The following TRIM32 variants were observed in gnomAD, a reference collection of about 807,000 sequenced individuals.
TRIM32 encodes the protein E3 ubiquitin-protein ligase TRIM32.
Under a neutral mutation model 36.0 loss-of-function variants are expected in TRIM32, and 19 were observed. The ratio of observed to expected loss-of-function variants is 0.53; its 90% CI spans 0.37 to 0.77. The LOEUF is 0.77. Ranked by LOEUF, TRIM32 falls within the 30% of genes least tolerant of loss-of-function variation. The probability of loss-of-function intolerance (pLI) is 0.00; values close to 1 mark genes in which losing one functional copy is unlikely to be tolerated. For missense variants in TRIM32, 747 were observed against 845.2 expected (o/e 0.88, Z 1.44); for synonymous variants, 309 against 318.5 (o/e 0.97, Z 0.32).
In TRIM32 at chr9:116,698,412, CAG is replaced by C; in HGVS notation, c.673_674del (p.Ser225LeufsTer4). Reference protein sequence around the residue: ...EKSNSQVVEEQSYLLNIAEVQ... With the variant: ...EKSNSQVVEEXSYLLNIAEVQ... ...GTCCAATAGTCAAGTGGTAGAGGAG[CAG>C]AGTTACCTGCTTAACATTGCAGAGG... On this transcript the variant is annotated frameshift_variant, in exon 2 of 2. Transcript: ENST00000450136. LOFTEE classifies it high-confidence loss of function. The surrounding 1 kb of genome is among the most constrained non-coding windows in gnomAD (Gnocchi z 4.4). 1 of 1,614,092 alleles carries C rather than the reference CAG, an allele frequency of 6.2e-7. No individual in the cohort carries two copies. The highest frequency in any genetic ancestry group is 8.5e-7 in the Non-Finnish European group (1 of 1,180,022).
intron 1 of TRIM32, 162 bp from the exon 2 acceptor site, chr9:116,697,500 C>CCTAT (rs759526539): frequency 1.9e-6 from 1 of 521,072 alleles, no homozygotes; most frequent in Non-Finnish European, 3.4e-6. Flanking sequence ...GGTTTGTTTC[C>CCTAT]CTATCTGTCA....
At chr9:116,693,837 T>G (rs1034352717) in intron 1 of TRIM32, among the ~76,000 whole-genome samples, 1 of 152,362 alleles carries the variant, frequency 6.6e-6, no homozygotes, top group Middle Eastern at 3.4e-3. Flanking sequence ...TGACCTTCTA[T>G]CTGAGTCATT....
chr9:116,690,178 C>T (rs570882290), intron 1 of TRIM32, among the ~76,000 whole-genome samples: 7 of 152,300 alleles, frequency 4.6e-5, no homozygotes, highest in South Asian at 4.1e-4. Flanking sequence ...TCAGTAGCTA[C>T]GGCACTTGTC....
rs1861050281 is a variant in TRIM32, at chr9:116,699,240, C to T, written c.1498C>T (p.Arg500Ter). 4 of 1,614,174 alleles carry T rather than the reference C, an allele frequency of 2.5e-6. No individual in the cohort carries two copies. Among genetic ancestry groups the T allele is most frequent in the South Asian group, 2.2e-5 (2 of 91,080 alleles). Residue 500 changes from arginine to a stop codon, truncating the protein, a stop_gained, in exon 2 of 2, where the codon CGA becomes TGA. Transcript: ENST00000450136. LOFTEE classifies it high-confidence loss of function. The surrounding 1 kb of genome is among the most constrained non-coding windows in gnomAD (Gnocchi z 4.2). ...AAAGCTTTGGTGTTTCACAGTTGAT[C>T]GAGGATCAGGGGTGGTCAAATACAG... ...GGKLWCFTVD[R>*]GSGVVKYSCL...
chr9:116,694,459 CTTTTTTTTT>C (rs56666915), intron 1 of TRIM32, among the ~76,000 whole-genome samples: 1 of 88,038 alleles, frequency 1.1e-5, no homozygotes, highest in Non-Finnish European at 2.0e-5. Flanking sequence ...TGTAATTTCT[CTTTTTTTTT>C]TTTTTTTTTT....
chr9:116,698,131 C>T lies in TRIM32; in HGVS notation c.389C>T (p.Pro130Leu). ...CCCTGCCGGGAGGCAGACCATCAGC[C>T]TCCTGGCCACTGTACACTCCCTGTC... ...CEPCREADHQPPGHCTLPVKE... is the reference protein window; with the variant it reads ...CEPCREADHQLPGHCTLPVKE... Residue 130 changes from proline (P) to leucine (L), a missense_variant, in exon 2 of 2, where the codon CCT (proline) becomes CTT (leucine). By Grantham distance (98) the Pro-to-Leu change is moderately conservative. Coordinates refer to ENST00000450136, the MANE Select transcript of TRIM32 (RefSeq NM_012210.4). This position sits in a 1 kb window ranked among gnomAD's most constrained non-coding sequence, Gnocchi z 4.4. 3.1e-6 allele frequency: 5 copies of T among 1,614,102 alleles called. No individual in the cohort carries two copies. Among genetic ancestry groups the T allele is most frequent in the Non-Finnish European group, 4.2e-6 (5 of 1,180,034 alleles).
In TRIM32 at chr9:116,701,224, A is replaced by G. The variant is rs1235600746; in HGVS notation, c.*1520A>G. ...AGCTGCTCAAAATTGTTTTTATGGT[A>G]GTAGTGTTTCTTTGGATTGTATCAT... On this transcript the variant is annotated 3_prime_UTR_variant, in exon 2 of 2. Transcript: ENST00000450136. The G allele has an allele frequency of 6.0e-6, 1 of 167,080 alleles. No individual in the cohort carries two copies. The highest frequency in any genetic ancestry group is 1.5e-5 in the Non-Finnish European group (1 of 68,122). The allele number at this position is 167,080 out of a possible 1,614,324, so 10.3% of individuals were successfully genotyped here.
At chr9:116,689,506 T>C (rs1188681786) in intron 1 of TRIM32, among the ~76,000 whole-genome samples, 1 of 152,164 alleles carries the variant, frequency 6.6e-6, no homozygotes, top group Non-Finnish European at 1.5e-5. Context: ...ATGAGGAAAC[T>C]AAGGCTTAGG....
chr9:116,699,668 C>T lies in TRIM32; in HGVS notation c.1926C>T (p.Ile642=). 1 of 1,614,158 alleles carries T rather than the reference C, an allele frequency of 6.2e-7. No individual in the cohort carries two copies. The highest frequency in any genetic ancestry group is 8.5e-7 in the Non-Finnish European group (1 of 1,180,034). The change falls in exon 2 of 2, where the codon ATC becomes ATT. Residue 642 remains isoleucine, a synonymous_variant. Transcript: ENST00000450136. This position sits in a 1 kb window ranked among gnomAD's most constrained non-coding sequence, Gnocchi z 4.2. ...ACTGTTGGGATCATTGCATCAAGAT[C>T]TACAGCTACCATCTGAGAAGATATT... ...VLDCWDHCIK[I]YSYHLRRYST...
In TRIM32 at chr9:116,699,699, C is replaced by T. The variant is rs899549661; in HGVS notation, c.1957C>T (p.Pro653Ser). The change falls in exon 2 of 2, where the codon CCA becomes TCA. Residue 653 changes from proline to serine, a missense_variant. Physicochemically the swap from Pro to Ser is moderately conservative, Grantham distance 74 (BLOSUM62 -1). Coordinates refer to ENST00000450136, the MANE Select transcript of TRIM32 (RefSeq NM_012210.4). This position sits in a 1 kb window ranked among gnomAD's most constrained non-coding sequence, Gnocchi z 4.2. ...YSYHLRRYST[P>S] ...CTACCATCTGAGAAGATATTCCACC[C>T]CATAGGGGATGAGAAATTATCAGTT... 26 of 1,614,078 alleles carry T rather than the reference C, an allele frequency of 1.6e-5. 1 individual carries two copies. The highest frequency in any genetic ancestry group is 2.2e-5 in the Non-Finnish European group (26 of 1,180,052).
In TRIM32 at chr9:116,697,673, C is replaced by T. The variant is rs1588214551; in HGVS notation, c.-70C>T. 1 of 1,590,554 alleles carries T rather than the reference C, an allele frequency of 6.3e-7. No individual in the cohort carries two copies. The highest frequency in any genetic ancestry group is 8.6e-7 in the Non-Finnish European group (1 of 1,165,574). The stretch of plus-strand genomic sequence containing the variant: ...CTTTTTCTCTTTAGCAGGAATTTGA[C>T]CCTCTAGGGCATGAATACTGTGCTG... On this transcript the variant is annotated 5_prime_UTR_variant, in exon 2 of 2. Coordinates refer to ENST00000450136, the MANE Select transcript of TRIM32 (RefSeq NM_012210.4).
Position 116,699,068 on chromosome 9 carries a change from T to G in TRIM32, c.1326T>G (p.Ile442Met), listed in dbSNP as rs1372713940. ...TGGCAATGAACTGCCAGGGGCTGAT[T>G]GGTGTGACTGACAGCTATGATAACT... ...LSVAMNCQGL[I>M]GVTDSYDNSL... The change falls in exon 2 of 2, where the codon ATT (isoleucine) becomes ATG (methionine). Residue 442 changes from isoleucine to methionine, a missense_variant. Physicochemically the swap from Ile to Met is conservative, Grantham distance 10 (BLOSUM62 1). Coordinates refer to ENST00000450136, the MANE Select transcript of TRIM32 (RefSeq NM_012210.4). The surrounding 1 kb of genome is among the most constrained non-coding windows in gnomAD (Gnocchi z 4.2). 6.2e-7 allele frequency: 1 copy of G among 1,614,138 alleles called. No individual in the cohort carries two copies. The highest frequency in any genetic ancestry group is 1.1e-5 in the South Asian group (1 of 91,082).
chr9:116,687,481 C>G (rs1407062130), intron 1 of TRIM32, 100 bp downstream of exon 1: 1 of 143,592 alleles, frequency 7.0e-6, no homozygotes, highest in African/African-American at 2.7e-5. Context: ...GTGCAGCGGC[C>G]GCGCCCGAAT....
At chr9:116,693,542 T>A (rs2900134) in intron 1 of TRIM32, among the ~76,000 whole-genome samples, 2,344 of 152,254 alleles carry the variant, frequency 0.015, 65 homozygotes, top group African/African-American at 0.054. Context: ...TACAGTATGG[T>A]ATGGGATGTA....
In TRIM32 at chr9:116,698,640, AC is replaced by A; in HGVS notation, c.899del (p.Thr300LysfsTer28). On this transcript the variant is annotated frameshift_variant, in exon 2 of 2. Coordinates refer to ENST00000450136, the MANE Select transcript of TRIM32 (RefSeq NM_012210.4). LOFTEE classifies it high-confidence loss of function. This position sits in a 1 kb window ranked among gnomAD's most constrained non-coding sequence, Gnocchi z 4.4. ...QIGQAVKKPR[T>X]VNVEDSWAME... is the part of the protein sequence containing the mutation. Reference sequence around the variant, plus strand: ...TGGACAAGCTGTTAAGAAGCCCCGGACAGTTAACGTGGAAGATTCCTGGGCC... The same window carrying A: ...TGGACAAGCTGTTAAGAAGCCCCGGAAGTTAACGTGGAAGATTCCTGGGCC... 1 of 1,614,112 alleles carries A rather than the reference AC, an allele frequency of 6.2e-7. No homozygotes were observed. Among genetic ancestry groups the A allele is most frequent in the Non-Finnish European group, 8.5e-7 (1 of 1,180,024 alleles).
At chr9:116,697,327 A>G (rs1860913470) in intron 1 of TRIM32, 1 of 226,218 alleles carries the variant, frequency 4.4e-6, no homozygotes, top group South Asian at 7.4e-5. Context: ...CTTAGCCCTT[A>G]TAATAACCAT....
intron 1 of TRIM32, among the ~76,000 whole-genome samples, chr9:116,695,915 G>A (rs1177360708): frequency 6.6e-6 from 1 of 152,014 alleles, no homozygotes; most frequent in Non-Finnish European, 1.5e-5. Context: ...AATCATCTAG[G>A]CTTGAGTCTT....
rs1861041527 is a variant in TRIM32 at position 116,699,100 on chromosome 9, A to G, written c.1358A>G (p.Lys453Arg). The G allele has an allele frequency of 6.2e-7, 1 of 1,613,934 alleles. No individual in the cohort carries two copies. Among genetic ancestry groups the G allele is most frequent in the Non-Finnish European group, 8.5e-7 (1 of 1,179,892 alleles). The change falls in exon 2 of 2, where the codon AAG (lysine) becomes AGG (arginine). Residue 453 changes from lysine (K) to arginine (R), a missense_variant. By Grantham distance (26) the Lys-to-Arg change is conservative (BLOSUM62 2). Coordinates refer to ENST00000450136, the MANE Select transcript of TRIM32 (RefSeq NM_012210.4). This position sits in a 1 kb window ranked among gnomAD's most constrained non-coding sequence, Gnocchi z 4.2. Reference protein sequence around the residue: ...GVTDSYDNSLKVYTLDGHCVA... With the variant: ...GVTDSYDNSLRVYTLDGHCVA... ...ACTGACAGCTATGATAACTCCCTCA[A>G]GGTATATACCTTGGATGGCCACTGC...
In TRIM32 at chr9:116,698,329, A is replaced by G; in HGVS notation, c.587A>G (p.Gln196Arg). The G allele has an allele frequency of 6.2e-7, 1 of 1,614,194 alleles. No homozygotes were observed. The highest frequency in any genetic ancestry group is 8.5e-7 in the Non-Finnish European group (1 of 1,180,042). ...QEYGHEERRVQDELARSRKFF... is the reference protein window; with the variant it reads ...QEYGHEERRVRDELARSRKFF... The stretch of plus-strand genomic sequence containing the variant: ...TATGGGCATGAGGAGCGCAGGGTCC[A>G]GGATGAGCTGGCTCGCTCTCGGAAG... Residue 196 changes from glutamine (Q) to arginine (R), a missense_variant, in exon 2 of 2, where the codon CAG becomes CGG. Physicochemically the swap from Gln to Arg is conservative, Grantham distance 43 (BLOSUM62 1). Coordinates refer to ENST00000450136, the MANE Select transcript of TRIM32 (RefSeq NM_012210.4). This position sits in a 1 kb window ranked among gnomAD's most constrained non-coding sequence, Gnocchi z 4.4.
Sources: gnomAD v4.1 joint callset for allele counts (sites outside exome capture counted in the v4.1 genomes callset) on GRCh38, gnomAD v4.1.1 for gene constraint, Gnocchi (gnomAD v3.1) non-coding constraint, MANE v1.5 for transcripts, NCBI Gene and HGNC (gene_info 2026-07-23, HGNC 2026-07-21) for gene names.